Variants in CLSTN2 observed in about 807,000 individuals in gnomAD.
CLSTN2 encodes the protein calsyntenin-2.
In CLSTN2, 48 loss-of-function variants were observed where a neutral mutation model predicts 101.2. The ratio of observed to expected loss-of-function variants is 0.47; its 90% CI spans 0.38 to 0.60. The LOEUF (loss-of-function observed/expected upper bound fraction) is 0.60, where lower values mean the gene tolerates loss of function less well. CLSTN2 is among the 20% of genes least tolerant of loss of function. The pLI is 0.00. For missense variants in CLSTN2, 1,160 were observed against 1,238.2 expected (o/e 0.94, Z 0.95); for synonymous variants, 481 against 463.6 (o/e 1.04, Z -0.48).
At chr3:140,509,262 C>A (rs1018605480) in intron 8 of CLSTN2, among the ~76,000 whole-genome samples, 7 of 152,124 alleles carry the variant, frequency 4.6e-5, no homozygotes, top group Non-Finnish European at 8.8e-5. Flanking sequence ...CTACTCTGTT[C>A]CCCACCTTAG....
intron 2 of CLSTN2, among the ~76,000 whole-genome samples, chr3:140,375,163 A>G (rs2087903498): frequency 6.6e-6 from 1 of 152,234 alleles, no homozygotes; most frequent in Non-Finnish European, 1.5e-5. Context: ...CTGAGGGGAA[A>G]GGTAGTTGAG....
intron 1 of CLSTN2, among the ~76,000 whole-genome samples, chr3:140,003,479 A>G (rs149331449): frequency 1.1e-3 from 164 of 152,272 alleles, no homozygotes; most frequent in African/African-American, 3.9e-3. Flanking sequence ...TAGCAAACAA[A>G]GATAATTTCA....
chr3:140,282,871 C>A lies in CLSTN2; in HGVS notation c.232+106798C>A, dbSNP rs58739522. Among the ~76,000 whole-genome samples the A allele has an allele frequency of 1.8e-3, 268 of 152,296 alleles. 6 individuals are homozygous for A. The East Asian group carries it at 0.049, about 28-fold the overall frequency. On this transcript the variant is annotated intron_variant, in intron 2 of 16. Transcript: ENST00000458420. ...AGAGTATCTGGACTTTTCCCACTTG[C>A]AACCCATTCTGGCTAAGCTGAGCAA...
At chr3:140,352,002 C>T (rs1018180361) in intron 2 of CLSTN2, among the ~76,000 whole-genome samples, 2 of 152,056 alleles carry the variant, frequency 1.3e-5, no homozygotes, top group Admixed American at 6.6e-5. Flanking sequence ...AATAAATGTG[C>T]CTGAGTAATA....
intron 8 of CLSTN2, among the ~76,000 whole-genome samples, chr3:140,505,330 G>A (rs1180868424): frequency 6.6e-6 from 1 of 152,170 alleles, no homozygotes; most frequent in African/African-American, 2.4e-5. Flanking sequence ...AGTCCCTGTG[G>A]TGAAAGGTCT....
chr3:140,105,977 T>G (rs1576428613), intron 1 of CLSTN2, among the ~76,000 whole-genome samples: 1 of 152,180 alleles, frequency 6.6e-6, no homozygotes, highest in African/African-American at 2.4e-5. Flanking sequence ...GCTGGCATGG[T>G]GGGCCTGGTT....
At position 140,448,504 on chromosome 3, in the gene CLSTN2, T is replaced by C. The variant is rs775780538; in HGVS notation, c.788-15T>C. 7 of 1,596,280 alleles carry C rather than the reference T, an allele frequency of 4.4e-6. No homozygotes were observed. In the Admixed American group the frequency reaches 8.4e-5, roughly 19 times the overall value. On this transcript the variant is annotated splice_polypyrimidine_tract_variant and intron_variant, in intron 5 of 16. Transcript: ENST00000458420. ...TGCACCTGATTCACTTTTCATCCTT[T>C]CCTTGTTTGTTTAGACTGGACCAAG...
intron 1 of CLSTN2, among the ~76,000 whole-genome samples, chr3:140,057,879 C>T (rs1312723002): frequency 1.3e-5 from 2 of 152,126 alleles, no homozygotes; most frequent in East Asian, 3.9e-4. Flanking sequence ...TAAGCAGGAA[C>T]TCAAGAACTG....
At chr3:140,245,385 C>T (rs183021609) in intron 2 of CLSTN2, among the ~76,000 whole-genome samples, 4 of 147,984 alleles carry the variant, frequency 2.7e-5, no homozygotes, top group Admixed American at 2.6e-4. Context: ...TGAAGAAGAC[C>T]AAGCACCATC....
intron 8 of CLSTN2, among the ~76,000 whole-genome samples, chr3:140,504,046 C>T (rs1576601925): frequency 6.6e-6 from 1 of 152,284 alleles, no homozygotes; most frequent in South Asian, 2.1e-4. Flanking sequence ...AATCAATGCC[C>T]TCTAAAATAG....
intron 2 of CLSTN2, among the ~76,000 whole-genome samples, chr3:140,359,864 A>G (rs921754863): frequency 6.6e-6 from 1 of 152,146 alleles, no homozygotes; most frequent in Non-Finnish European, 1.5e-5. Context: ...GTGAAGGTCT[A>G]CTAGCTCTCT....
intron 2 of CLSTN2, among the ~76,000 whole-genome samples, chr3:140,194,840 A>T (rs2107838109): frequency 6.6e-6 from 1 of 152,334 alleles, no homozygotes; most frequent in East Asian, 1.9e-4. Flanking sequence ...GCTTTATTAA[A>T]AATGAGCAAT....
intron 2 of CLSTN2, among the ~76,000 whole-genome samples, chr3:140,211,200 C>T (rs770749903): frequency 9.2e-5 from 14 of 151,884 alleles, no homozygotes; most frequent in Admixed American, 2.0e-4. Flanking sequence ...CCTGACAGAT[C>T]ATTCCCCTTC....
rs184975396 is a variant in CLSTN2 at position 140,348,115 on chromosome 3, A to G, written c.233-55514A>G. On this transcript the variant is annotated intron_variant, in intron 2 of 16. Coordinates refer to ENST00000458420, the MANE Select transcript of CLSTN2 (RefSeq NM_022131.3). Reference sequence around the variant, plus strand: ...ATACAAAGTTTACCAATTGTGGTCAAGTATGGAGCTTTGACCTTGGAAATG... The same window carrying G: ...ATACAAAGTTTACCAATTGTGGTCAGGTATGGAGCTTTGACCTTGGAAATG... Among the ~76,000 whole-genome samples the G allele has an allele frequency of 6.5e-3, 988 of 152,346 alleles. 10 individuals carry two copies. The highest frequency in any genetic ancestry group is 7.4e-3 in the Non-Finnish European group (501 of 68,038).
At position 140,232,039 on chromosome 3, in the gene CLSTN2, G is replaced by A. The variant is rs147690943; in HGVS notation, c.232+55966G>A. Among the ~76,000 whole-genome samples, 1,383 of 152,268 alleles carry A rather than the reference G, an allele frequency of 9.1e-3. 13 individuals carry two copies. Among genetic ancestry groups the A allele is most frequent in the African/African-American group, 0.03 (1,240 of 41,542 alleles). ...TTGGGTCAGTGTGAGGATTCAACGA[G>A]GAAAAGTATTTAAAATATCTATAAC... On this transcript the variant is annotated intron_variant, in intron 2 of 16. Coordinates refer to ENST00000458420, the MANE Select transcript of CLSTN2 (RefSeq NM_022131.3).
chr3:140,223,384 C>A (rs988777833), intron 2 of CLSTN2, among the ~76,000 whole-genome samples: 3 of 152,282 alleles, frequency 2.0e-5, no homozygotes, highest in Non-Finnish European at 4.4e-5. Context: ...AGCAAAGCAG[C>A]CACCTCCCAG....
rs1408974656 is a variant in CLSTN2, at chr3:140,460,118, T to C, written c.1222+349T>C. On this transcript the variant is annotated intron_variant, in intron 7 of 16. Transcript: ENST00000458420. ...GGGGTGAGAGAGGAATCTTTATTCC[T>C]ACTTCAAACAAAGAAGCTCCACCTT... The C allele has an allele frequency of 5.0e-5, 13 of 261,790 alleles. No homozygotes were observed. The South Asian group carries it at 5.3e-4, about 11-fold the overall frequency. The allele number at this position is 261,790 out of a possible 1,614,324, so 16.2% of individuals were successfully genotyped here. A position where few individuals can be genotyped will look rare whatever the true frequency, so the allele number is the denominator to read the frequency against.
Position 140,381,558 on chromosome 3 carries a change from A to G in CLSTN2, c.233-22071A>G, listed in dbSNP as rs767142918. ...TAAATTGTGTAAAGCTCATAGCATG[A>G]TACTTGACTTATCATAAATGTGAGT... On this transcript the variant is annotated intron_variant, in intron 2 of 16. Transcript: ENST00000458420. Among the ~76,000 whole-genome samples, 126 of 152,334 alleles carry G rather than the reference A, an allele frequency of 8.3e-4. 1 individual carries two copies. The highest frequency in any genetic ancestry group is 1.3e-3 in the Non-Finnish European group (86 of 68,036).
intron 2 of CLSTN2, among the ~76,000 whole-genome samples, chr3:140,274,869 C>A (rs560245238): frequency 6.6e-6 from 1 of 152,172 alleles, no homozygotes; most frequent in East Asian, 1.9e-4. Flanking sequence ...ATTCCAGACA[C>A]TTTGCTTCTG....
Sources: allele counts gnomAD v4.1 joint callset (sites outside exome capture counted in the v4.1 genomes callset), GRCh38; gene constraint gnomAD v4.1.1; transcripts MANE v1.5; gene names NCBI Gene and HGNC (gene_info 2026-07-23, HGNC 2026-07-21).